TDRD3: variants seen among roughly 807,000 people sequenced by gnomAD.
The protein encoded by TDRD3 is tudor domain containing 3, also known as tudor domain-containing protein 3.
TDRD3 carries 45 observed loss-of-function variants against 86.7 expected under a neutral mutation model. That is an observed-to-expected ratio of 0.52 (90% confidence interval 0.41 to 0.67). The LOEUF (loss-of-function observed/expected upper bound fraction) is 0.67. TDRD3 is among the 30% of genes least tolerant of loss of function. The pLI is 0.00. For synonymous variants in TDRD3, 298 were observed against 301.7 expected, an observed-to-expected ratio of 0.99 and a Z score of 0.13; for missense variants, 814 against 889.0, an observed-to-expected ratio of 0.92 and a Z score of 1.07.
At chr13:60,456,793 T>C (rs1248501322) in intron 3 of TDRD3, among the ~76,000 whole-genome samples, 1 of 152,090 alleles carries the variant, frequency 6.6e-6, no homozygotes, top group African/African-American at 2.4e-5. Context: ...CCTCCCAGGC[T>C]CAAGAGATCC....
chr13:60,549,607 C>T (rs1958002997), intron 12 of TDRD3, among the ~76,000 whole-genome samples: 1 of 152,080 alleles, frequency 6.6e-6, no homozygotes, highest in African/African-American at 2.4e-5. Context: ...TGCACGTGGA[C>T]AAACGTGAGA....
chr13:60,519,330 G>A (rs929756809), intron 10 of TDRD3, among the ~76,000 whole-genome samples: 5 of 152,024 alleles, frequency 3.3e-5, no homozygotes, highest in African/African-American at 1.2e-4. Flanking sequence ...ATTTCCGTTT[G>A]ACAGATAAGG....
At chr13:60,554,590 A>G (rs1319101840) in intron 12 of TDRD3, among the ~76,000 whole-genome samples, 4 of 152,186 alleles carry the variant, frequency 2.6e-5, no homozygotes, top group African/African-American at 9.7e-5. Flanking sequence ...ATTTTTAAAA[A>G]GTTGATTGTC....
intron 9 of TDRD3, 149 bp from the exon 10 acceptor site, chr13:60,510,481 A>G: frequency 2.4e-6 from 2 of 832,026 alleles, no homozygotes; most frequent in Non-Finnish European, 3.2e-6. Context: ...TTAAAAACCT[A>G]AAAAAATTAC....
intron 3 of TDRD3, among the ~76,000 whole-genome samples, chr13:60,457,381 A>G (rs1243336940): frequency 6.6e-6 from 1 of 152,210 alleles, no homozygotes; most frequent in African/African-American, 2.4e-5. Flanking sequence ...TATTTTGAAG[A>G]TGTGGCTTAG....
chr13:60,479,643 T>C (rs1956269551), intron 5 of TDRD3, among the ~76,000 whole-genome samples: 1 of 152,232 alleles, frequency 6.6e-6, no homozygotes, highest in Non-Finnish European at 1.5e-5. Context: ...TTTTCATAGG[T>C]AAAGAAGAAC....
At chr13:60,423,602 A>G (rs530814006) in intron 1 of TDRD3, among the ~76,000 whole-genome samples, 1 of 152,328 alleles carries the variant, frequency 6.6e-6, no homozygotes, top group Non-Finnish European at 1.5e-5. Flanking sequence ...ATTACAGTGG[A>G]CTAAAACTAG....
intron 7 of TDRD3, among the ~76,000 whole-genome samples, chr13:60,492,446 C>T (rs540500847): frequency 6.6e-6 from 1 of 152,248 alleles, no homozygotes; most frequent in African/African-American, 2.4e-5. Flanking sequence ...GGTAGGTTTT[C>T]TAATCCCAGT....
chr13:60,440,439 T>C (rs945158716), intron 2 of TDRD3, among the ~76,000 whole-genome samples: 5 of 151,998 alleles, frequency 3.3e-5, no homozygotes, highest in Non-Finnish European at 2.9e-5. Context: ...TCCAAGCACG[T>C]TGGGAGGCCA....
intron 12 of TDRD3, among the ~76,000 whole-genome samples, chr13:60,564,818 G>C (rs930851421): frequency 4.6e-5 from 7 of 152,134 alleles, no homozygotes; most frequent in Admixed American, 3.9e-4. Flanking sequence ...TTCATTCAAA[G>C]ATGACTGAAA....
intron 12 of TDRD3, among the ~76,000 whole-genome samples, chr13:60,555,985 G>A (rs570746090): frequency 3.6e-4 from 54 of 151,896 alleles, no homozygotes; most frequent in African/African-American, 1.3e-3. Flanking sequence ...TTAGTAGCTG[G>A]GACTACAGGC....
chr13:60,458,783 T>C (rs1444065158), intron 3 of TDRD3, among the ~76,000 whole-genome samples: 1 of 152,206 alleles, frequency 6.6e-6, no homozygotes, highest in East Asian at 1.9e-4. Flanking sequence ...TTTAAATAGC[T>C]ACATGTGGCT....
chr13:60,477,200 ATTATTATTATTATTG>A (rs926605379), intron 5 of TDRD3, among the ~76,000 whole-genome samples: 10 of 140,588 alleles, frequency 7.1e-5, no homozygotes, highest in African/African-American at 5.3e-5. Context: ...ATAGATGGTT[ATTATTATTATTATTG>A]TTATTATTAT....
intron 5 of TDRD3, among the ~76,000 whole-genome samples, chr13:60,479,292 A>G (rs925205665): frequency 6.6e-6 from 1 of 152,208 alleles, no homozygotes; most frequent in Non-Finnish European, 1.5e-5. Context: ...TAAAATTTAC[A>G]TGTAATTGCA....
In TDRD3 at chr13:60,416,889, G is replaced by A. The variant is rs544733022; in HGVS notation, c.41+19484G>A. Among the ~76,000 whole-genome samples the A allele has an allele frequency of 3.0e-4, 45 of 151,826 alleles. No individual in the cohort carries two copies. The South Asian group carries it at 6.3e-3, about 21-fold the overall frequency. ...TCTCTTCATTCCTTTCTCATCATTCGTTGTCTTTTTATGATATTCTTATCA... is the reference window on the plus strand; with the variant it reads ...TCTCTTCATTCCTTTCTCATCATTCATTGTCTTTTTATGATATTCTTATCA... On this transcript the variant is annotated intron_variant, in intron 1 of 13. Transcript: ENST00000377881.
rs1299768840 is a variant in TDRD3, at chr13:60,561,878, G to T, written c.2119-5647G>T. Among the ~76,000 whole-genome samples, 268 of 151,676 alleles carry T rather than the reference G, an allele frequency of 1.8e-3. 2 individuals are homozygous for T. Among genetic ancestry groups the T allele is most frequent in the African/African-American group, 5.0e-3 (206 of 41,442 alleles). Reference sequence around the variant, plus strand: ...GCCCAGGTTTTTTGTTGTTGTTGTTGTTGTTGTTGTTGTTGTTTGTAGTAG... The same window carrying T: ...GCCCAGGTTTTTTGTTGTTGTTGTTTTTGTTGTTGTTGTTGTTTGTAGTAG... On this transcript the variant is annotated intron_variant, in intron 12 of 13. Coordinates refer to ENST00000377881, the MANE Select transcript of TDRD3 (RefSeq NM_001146070.2).
intron 1 of TDRD3, among the ~76,000 whole-genome samples, chr13:60,401,002 G>A (rs990574087): frequency 2.6e-5 from 4 of 152,138 alleles, no homozygotes; most frequent in Admixed American, 6.5e-5. Flanking sequence ...GAAGCATTTT[G>A]TGGTGTGTAA....
intron 5 of TDRD3, among the ~76,000 whole-genome samples, chr13:60,481,157 G>A (rs1427048739): frequency 6.6e-6 from 1 of 152,170 alleles, no homozygotes; most frequent in Non-Finnish European, 1.5e-5. Flanking sequence ...TCTTAGAGGA[G>A]TGTTTTCTTT....
chr13:60,398,153 C>G (rs1953992023), intron 1 of TDRD3, among the ~76,000 whole-genome samples: 1 of 152,184 alleles, frequency 6.6e-6, no homozygotes, highest in African/African-American at 2.4e-5. Context: ...GCGGCCATTA[C>G]GGTTGTAATC....
Sources: gnomAD v4.1 joint callset for allele counts (sites outside exome capture counted in the v4.1 genomes callset) on GRCh38, gnomAD v4.1.1 for gene constraint, MANE v1.5 for transcripts, NCBI Gene and HGNC (gene_info 2026-07-23, HGNC 2026-07-21) for gene names.